The following SRSF7 variants were observed in gnomAD, a reference collection of about 807,000 sequenced individuals.
SRSF7 encodes the protein serine/arginine-rich splicing factor 7.
A neutral mutation model predicts 42.2 loss-of-function variants in SRSF7; 15 were observed. The ratio of observed to expected loss-of-function variants is 0.36; its 90% CI spans 0.24 to 0.55. SRSF7 has a LOEUF of 0.55. Among genes scored for constraint, SRSF7 ranks in the 20% least tolerant of loss-of-function variants. The pLI, the probability that SRSF7 is intolerant of heterozygous loss-of-function variation, is 0.88. For missense variants in SRSF7, 181 were observed against 305.9 expected (o/e 0.59, Z 3.04); for synonymous variants, 138 against 107.9 (o/e 1.28, Z -1.73).
In SRSF7 at chr2:38,751,346, G is replaced by A; in HGVS notation, c.-90C>T. ...TGACACACACCTTCACCCGCCAAGA[G>A]TCCCGGCGGCACTACGAGGAAGAGC... On this transcript the variant is annotated 5_prime_UTR_variant, in exon 1 of 8. Coordinates refer to ENST00000313117, the MANE Select transcript of SRSF7 (RefSeq NM_001031684.3). 7.6e-6 allele frequency: 12 copies of A among 1,583,690 alleles called. No individual in the cohort carries two copies. The African/African-American group carries it at 8.1e-5, about 11-fold the overall frequency.
At chr2:38,749,297 A>G (rs944868434) in intron 3 of SRSF7, 2 of 1,482,758 alleles carry the variant, frequency 1.3e-6, no homozygotes, top group Admixed American at 2.0e-5. Flanking sequence ...GCATGATATC[A>G]TAAGGCTCGT....
chr2:38,751,344 G>C lies in SRSF7; in HGVS notation c.-88C>G. Reference sequence around the variant, plus strand: ...GCTGACACACACCTTCACCCGCCAAGAGTCCCGGCGGCACTACGAGGAAGA... The same window carrying C: ...GCTGACACACACCTTCACCCGCCAACAGTCCCGGCGGCACTACGAGGAAGA... On this transcript the variant is annotated 5_prime_UTR_variant, in exon 1 of 8. Coordinates refer to ENST00000313117, the MANE Select transcript of SRSF7 (RefSeq NM_001031684.3). The C allele has an allele frequency of 9.4e-6, 15 of 1,587,642 alleles. No homozygotes were observed. The highest frequency in any genetic ancestry group is 9.5e-6 in the Non-Finnish European group (11 of 1,159,052).
chr2:38,748,779 TG>T, intron 3 of SRSF7, 126 bp from the exon 4 acceptor site: 1 of 1,241,238 alleles, frequency 8.1e-7, no homozygotes, highest in Non-Finnish European at 1.1e-6. Context: ...AAATAAACTC[TG>T]GGCCTATTAG....
Position 38,745,117 on chromosome 2 carries a change from G to A in SRSF7, c.*16C>T. ...TAAACAAAATAACTTTTCCCTAAAG[G>A]GTGAACTTGAGAGCTTCAGTCCATT... On this transcript the variant is annotated 3_prime_UTR_variant, in exon 8 of 8. Transcript: ENST00000313117. 2.5e-6 allele frequency: 4 copies of A among 1,613,538 alleles called. No individual in the cohort carries two copies. Among genetic ancestry groups the A allele is most frequent in the South Asian group, 1.1e-5 (1 of 91,020 alleles).
chr2:38,743,899 T>G lies in SRSF7; in HGVS notation c.*1234A>C. 1 of 20,994 alleles carries G rather than the reference T, an allele frequency of 4.8e-5. No homozygotes were observed. The highest frequency in any genetic ancestry group is 1.0e-4 in the Non-Finnish European group (1 of 9,700). The allele number at this position is 20,994 out of a possible 1,614,324, so 1.3% of individuals were successfully genotyped here. Reference sequence around the variant, plus strand: ...CCTAGGTATCTGCGCAACCAGCAGGTTTTTTTTTTTTTGTACCAAGGCTAG... The same window carrying G: ...CCTAGGTATCTGCGCAACCAGCAGGGTTTTTTTTTTTTGTACCAAGGCTAG... On this transcript the variant is annotated 3_prime_UTR_variant, in exon 8 of 8. Transcript: ENST00000313117.
chr2:38,747,448 A>G (rs1667627191), intron 5 of SRSF7, among the ~76,000 whole-genome samples: 2 of 152,192 alleles, frequency 1.3e-5, no homozygotes, highest in Non-Finnish European at 2.9e-5. Context: ...ACAGATAACA[A>G]TATTGTTAAT....
Position 38,745,147 on chromosome 2 carries a change from C to G in SRSF7, c.703G>C (p.Glu235Gln). The change falls in exon 8 of 8, where the codon GAA becomes CAA. Residue 235 changes from glutamate (E) to glutamine (Q), a missense_variant. By Grantham distance (29) the Glu-to-Gln change is conservative (BLOSUM62 2). This residue lies in a region of SRSF7 where 136 missense variants were observed against 147.8 expected (regional missense o/e 0.92). Coordinates refer to ENST00000313117, the MANE Select transcript of SRSF7 (RefSeq NM_001031684.3). ...ACTTGAGAGCTTCAGTCCATTCTTT[C>G]AGGACTTGCACTTCTGCGAGGACTT... is the stretch of plus-strand genomic sequence containing the variant. ...SGSPRRSASPERMD is the reference protein window; with the variant it reads ...SGSPRRSASPQRMD The G allele has an allele frequency of 6.2e-7, 1 of 1,614,182 alleles. No homozygotes were observed.
At chr2:38,746,821 T>C (rs1667489186) in intron 5 of SRSF7, 74 bp from the exon 6 acceptor site, 4 of 1,592,276 alleles carry the variant, frequency 2.5e-6, no homozygotes, top group African/African-American at 2.7e-5. Flanking sequence ...CAACACTGTA[T>C]TAGGTTGGTC....
In SRSF7 at chr2:38,746,750, T is replaced by G; in HGVS notation, c.573-3A>C. The stretch of plus-strand genomic sequence containing the variant: ...TTGATCTTGACCTCGACGGGGATCT[T>G]AATAAAAAAAGTGAAAAACACAATT... On this transcript the variant is annotated splice_polypyrimidine_tract_variant and splice_region_variant and intron_variant, in intron 5 of 7. Transcript: ENST00000313117. 1 of 1,613,304 alleles carries G rather than the reference T, an allele frequency of 6.2e-7. No homozygotes were observed. The highest frequency in any genetic ancestry group is 8.5e-7 in the Non-Finnish European group (1 of 1,179,800).
intron 3 of SRSF7, chr2:38,749,108 C>T: frequency 7.6e-7 from 1 of 1,315,520 alleles, no homozygotes; most frequent in Non-Finnish European, 1.0e-6. Context: ...CTTTCTAAAC[C>T]GGAGGGGGGC....
Position 38,743,781 on chromosome 2 carries a change from G to C in SRSF7, c.*1352C>G. ...AATCCAAATAACTTCCAACATACTAGCGGTCAAACTACCGAATAAACTTGA... is the reference window on the plus strand; with the variant it reads ...AATCCAAATAACTTCCAACATACTACCGGTCAAACTACCGAATAAACTTGA... On this transcript the variant is annotated 3_prime_UTR_variant, in exon 8 of 8. Transcript: ENST00000313117. 6.6e-6 allele frequency: 1 copy of C among 152,542 alleles called. No individual in the cohort carries two copies. Among genetic ancestry groups the C allele is most frequent in the Non-Finnish European group, 1.5e-5 (1 of 68,042 alleles). The allele number at this position is 152,542 out of a possible 1,614,324, so 9.4% of individuals were successfully genotyped here.
chr2:38,747,511 G>A (rs1362187255), intron 5 of SRSF7, among the ~76,000 whole-genome samples: 1 of 151,580 alleles, frequency 6.6e-6, no homozygotes, highest in Non-Finnish European at 1.5e-5. Context: ...TCCTTTTAAG[G>A]CCTTCTACAA....
At chr2:38,745,513 G>A (rs901115909) in intron 7 of SRSF7, among the ~76,000 whole-genome samples, 1 of 152,074 alleles carries the variant, frequency 6.6e-6, no homozygotes, top group Non-Finnish European at 1.5e-5. Context: ...AAATTAGCCA[G>A]GCTTGGCGGT....
In SRSF7 at chr2:38,750,007, T is replaced by G. The variant is rs200730547; in HGVS notation, c.209+7A>C. ...AATGAACAGAAGATTCATAACATCT[T>G]ACTTACTTTCCATCCAGTCCTCGTA... On this transcript the variant is annotated splice_region_variant and intron_variant, in intron 2 of 7. Coordinates refer to ENST00000313117, the MANE Select transcript of SRSF7 (RefSeq NM_001031684.3). 8.1e-6 allele frequency: 13 copies of G among 1,601,200 alleles called. No homozygotes were observed. In the African/African-American group the frequency reaches 1.5e-4, roughly 18 times the overall value.
rs760041589 is a variant in SRSF7 at position 38,746,773 on chromosome 2, AT to A, written c.573-27del. 3 of 1,612,972 alleles carry A rather than the reference AT, an allele frequency of 1.9e-6. No homozygotes were observed. The East Asian group carries it at 6.7e-5, about 36-fold the overall frequency. On this transcript the variant is annotated intron_variant, in intron 5 of 7. Transcript: ENST00000313117. ...CTTAATAAAAAAAGTGAAAAACACA[AT>A]TATATCAATCAGTCCAAAGGAATTT...
chr2:38,746,788 C>T, intron 5 of SRSF7, 41 bp from the exon 6 acceptor site: 2 of 1,608,716 alleles, frequency 1.2e-6, no homozygotes, highest in Non-Finnish European at 1.7e-6. Flanking sequence ...ATCAATCAGT[C>T]CAAAGGAATT....
At position 38,747,998 on chromosome 2, in the gene SRSF7, T is replaced by C. The variant is rs764841350; in HGVS notation, c.572+49A>G. 20 of 1,354,730 alleles carry C rather than the reference T, an allele frequency of 1.5e-5. No individual in the cohort carries two copies. The African/African-American group carries it at 1.9e-4, about 13-fold the overall frequency. 83.9% of individuals were successfully genotyped at this position (1,354,730 alleles called of 1,614,324 possible). A position where few individuals can be genotyped will look rare whatever the true frequency, so the allele number is the denominator to read the frequency against. On this transcript the variant is annotated intron_variant, in intron 5 of 7. Coordinates refer to ENST00000313117, the MANE Select transcript of SRSF7 (RefSeq NM_001031684.3). ...TTATGTCCTTAAGACACTCTACTGA[T>C]AAGATGTGAACAATCCAAACACAAG...
chr2:38,746,103 C>T, intron 7 of SRSF7, 41 bp downstream of exon 7: 1 of 1,612,174 alleles, frequency 6.2e-7, no homozygotes. Context: ...GCAGAGGCCA[C>T]ACTTGACAGG....
chr2:38,745,014 A>T lies in SRSF7; in HGVS notation c.*119T>A. 3.1e-6 allele frequency: 3 copies of T among 974,280 alleles called. No individual in the cohort carries two copies. Among genetic ancestry groups the T allele is most frequent in the African/African-American group, 3.3e-5 (2 of 60,776 alleles). The allele number at this position is 974,280 out of a possible 1,614,324, so 60.4% of individuals were successfully genotyped here. ...CTGCTGTGAATTTACATAGTAATCC[A>T]GATCCATTTTGATTAGATGGTTGAA... On this transcript the variant is annotated 3_prime_UTR_variant, in exon 8 of 8. Coordinates refer to ENST00000313117, the MANE Select transcript of SRSF7 (RefSeq NM_001031684.3).
Sources: gnomAD v4.1 joint callset for allele counts (sites outside exome capture counted in the v4.1 genomes callset) on GRCh38, gnomAD v4.1.1 for gene constraint, gnomAD v4.1.1 regional missense constraint, MANE v1.5 for transcripts, NCBI Gene and HGNC (gene_info 2026-07-23, HGNC 2026-07-21) for gene names.